TBC1D8B: variants seen among roughly 807,000 people sequenced by gnomAD.
TBC1D8B encodes TBC1 domain family member 8B.
TBC1D8B carries 75 observed loss-of-function variants against 82.9 expected under a neutral mutation model. The ratio of observed to expected loss-of-function variants is 0.90; its 90% CI spans 0.75 to 1.10. TBC1D8B has a LOEUF of 1.10. Ranked by LOEUF, TBC1D8B falls within the 50% of genes least tolerant of loss-of-function variation. The probability of loss-of-function intolerance (pLI) is 0.00; values close to 1 mark genes in which losing one functional copy is unlikely to be tolerated. For synonymous variants in TBC1D8B, 276 were observed against 276.8 expected, an observed-to-expected ratio of 1.00 and a Z score of 0.03; for missense variants, 794 against 796.9, an observed-to-expected ratio of 1.00 and a Z score of 0.04.
chrX:106,813,136 G>A (rs760759544), intron 1 of TBC1D8B, among the ~76,000 whole-genome samples: 1 of 112,295 alleles, frequency 8.9e-6, no homozygotes, highest in East Asian at 2.8e-4. Flanking sequence ...GGGATTAAAG[G>A]CGTGAGTCAC....
At chrX:106,805,555 T>C (rs1392590870) in intron 1 of TBC1D8B, among the ~76,000 whole-genome samples, 2 of 112,289 alleles carry the variant, frequency 1.8e-5, no homozygotes, top group African/African-American at 3.2e-5. Flanking sequence ...TCCACACTTA[T>C]TTAGTGGTCA....
In TBC1D8B at chrX:106,873,927, G is replaced by C; in HGVS notation, c.3325G>C (p.Ala1109Pro). The C allele has an allele frequency of 8.3e-7, 1 of 1,202,507 alleles. No individual in the cohort carries two copies. The highest frequency in any genetic ancestry group is 1.1e-6 in the Non-Finnish European group (1 of 891,919). Reference protein sequence around the residue: ...PIDVKAKLENARISQLRSRTK... With the variant: ...PIDVKAKLENPRISQLRSRTK... ...AGATGTAAAAGCCAAGCTGGAAAAT[G>C]CAAGAATTTCTCAGTTAAGGTCTAG... Residue 1109 changes from alanine (A) to proline (P), a missense_variant, in exon 21 of 21, where the codon GCA (alanine) becomes CCA (proline). Transcript: ENST00000357242.
chrX:106,854,667 C>T (rs1356649527), intron 14 of TBC1D8B, among the ~76,000 whole-genome samples: 1 of 109,923 alleles, frequency 9.1e-6, no homozygotes, highest in Non-Finnish European at 1.9e-5. Context: ...GCACACACCA[C>T]CATGCCTGGC....
intron 4 of TBC1D8B, among the ~76,000 whole-genome samples, chrX:106,822,440 A>G (rs186484279): frequency 1.6e-4 from 18 of 111,494 alleles, no homozygotes; most frequent in Non-Finnish European, 1.3e-4. Flanking sequence ...GTATTAAATG[A>G]TGATCTGGCA....
At chrX:106,853,424 A>G (rs1932632462) in intron 12 of TBC1D8B, 97 bp from the exon 13 acceptor site, 8 of 883,401 alleles carry the variant, frequency 9.1e-6, no homozygotes, top group Non-Finnish European at 8.1e-6. Context: ...CTCAGTTGAA[A>G]GTAACCTCTA....
chrX:106,860,673 C>T (rs757792987), intron 14 of TBC1D8B, among the ~76,000 whole-genome samples: 281 of 110,204 alleles, frequency 2.5e-3, no homozygotes, highest in African/African-American at 8.4e-3. Context: ...TTTAAATAGC[C>T]AACTCATGGA....
chrX:106,807,068 A>G (rs1490368086), intron 1 of TBC1D8B, among the ~76,000 whole-genome samples: 1 of 111,319 alleles, frequency 9.0e-6, no homozygotes, highest in Non-Finnish European at 1.9e-5. Context: ...TATTAGCAAA[A>G]TATCCCTGCA....
chrX:106,866,873 A>G lies in TBC1D8B; in HGVS notation c.2728+11A>G, dbSNP rs1450252305. 5.2e-6 allele frequency: 6 copies of G among 1,143,428 alleles called. No individual in the cohort carries two copies. The highest frequency in any genetic ancestry group is 7.1e-6 in the Non-Finnish European group (6 of 850,594). 94.2% of individuals were successfully genotyped at this position (1,143,428 alleles called of 1,213,427 possible). ...TACATATTCCTCCAGGTAAGAGTTT[A>G]CCAGTCTTTAACGATGTACAGCAGG... On this transcript the variant is annotated intron_variant, in intron 17 of 20. Transcript: ENST00000357242.
At chrX:106,805,760 T>C (rs1215713229) in intron 1 of TBC1D8B, among the ~76,000 whole-genome samples, 1 of 112,197 alleles carries the variant, frequency 8.9e-6, no homozygotes, top group African/African-American at 3.2e-5. Context: ...GCTGCTCAAT[T>C]ACTGTATTCT....
Position 106,850,298 on chromosome X carries a change from C to A in TBC1D8B, c.2111C>A (p.Thr704Lys). The change falls in exon 12 of 21, where the codon ACA (threonine) becomes AAA (lysine). Residue 704 changes from threonine to lysine, a missense_variant. Physicochemically the swap from Thr to Lys is moderately conservative, Grantham distance 78. Coordinates refer to ENST00000357242, the MANE Select transcript of TBC1D8B (RefSeq NM_017752.3). The part of the protein sequence containing the change: ...LTCKDDAEAV[T>K]ALNRFFDNVT... ...TGTAAAGATGATGCTGAAGCTGTGA[C>A]AGCCTTAAACAGGTATTGTAAGAAC... is the stretch of plus-strand genomic sequence containing the variant. 3 of 1,194,691 alleles carry A rather than the reference C, an allele frequency of 2.5e-6. No homozygotes were observed. Among genetic ancestry groups the A allele is most frequent in the Non-Finnish European group, 3.4e-6 (3 of 888,078 alleles).
intron 1 of TBC1D8B, among the ~76,000 whole-genome samples, chrX:106,812,950 C>T (rs1043403883): frequency 9.0e-6 from 1 of 111,006 alleles, no homozygotes; most frequent in Non-Finnish European, 1.9e-5. Context: ...CTCCGCCTCC[C>T]GAGTTCAAGA....
rs1932834525 is a variant in TBC1D8B, at chrX:106,869,528, C to G, written c.2856C>G (p.His952Gln). The G allele has an allele frequency of 8.3e-7, 1 of 1,206,389 alleles. No homozygotes were observed. The highest frequency in any genetic ancestry group is 1.1e-6 in the Non-Finnish European group (1 of 891,646). ...AGAAGGAAGCAGAATCAGCAAAACA[C>G]AGCCCTGAAAAAGGTACTATGATCT... ...ANEKEAESAK[H>Q]SPEKGKGKID... Residue 952 changes from histidine (H) to glutamine (Q), a missense_variant, in exon 19 of 21, where the codon CAC (histidine) becomes CAG (glutamine). Transcript: ENST00000357242.
At chrX:106,848,928 C>A (rs1171623136) in intron 11 of TBC1D8B, among the ~76,000 whole-genome samples, 1 of 107,493 alleles carries the variant, frequency 9.3e-6, no homozygotes, top group Non-Finnish European at 1.9e-5. Context: ...CGCCACCACG[C>A]CTGGCTAATT....
chrX:106,855,552 A>C (rs139344580), intron 14 of TBC1D8B, among the ~76,000 whole-genome samples: 1 of 112,150 alleles, frequency 8.9e-6, no homozygotes, highest in Non-Finnish European at 1.9e-5. Flanking sequence ...ATATCAGTAA[A>C]TATAGATCTA....
At chrX:106,858,627 G>A (rs1932742126) in intron 14 of TBC1D8B, among the ~76,000 whole-genome samples, 1 of 112,244 alleles carries the variant, frequency 8.9e-6, no homozygotes, top group South Asian at 3.7e-4. Flanking sequence ...TTTGTCAGAT[G>A]CATAGTTTGC....
intron 14 of TBC1D8B, among the ~76,000 whole-genome samples, chrX:106,864,278 C>T (rs1463660264): frequency 9.0e-6 from 1 of 110,596 alleles, no homozygotes; most frequent in Non-Finnish European, 1.9e-5. Flanking sequence ...ATTACCCTCT[C>T]CCGTATTGGG....
intron 14 of TBC1D8B, among the ~76,000 whole-genome samples, chrX:106,857,218 T>C (rs1461902640): frequency 1.8e-5 from 2 of 111,376 alleles, no homozygotes; most frequent in Non-Finnish European, 3.8e-5. Flanking sequence ...AGTGGCACAA[T>C]CTCTGCTCAC....
intron 14 of TBC1D8B, among the ~76,000 whole-genome samples, chrX:106,859,081 C>T (rs1000285027): frequency 8.9e-6 from 1 of 111,896 alleles, no homozygotes; most frequent in Non-Finnish European, 1.9e-5. Flanking sequence ...TGTTTTTGTA[C>T]CTGTACCATG....
chrX:106,819,976 T>C (rs942002786), intron 2 of TBC1D8B, among the ~76,000 whole-genome samples: 11 of 110,722 alleles, frequency 9.9e-5, no homozygotes, highest in Admixed American at 2.9e-4. Flanking sequence ...TTAAAGACAG[T>C]TATTACTCTT....
Sources: gnomAD v4.1 joint callset for allele counts (sites outside exome capture counted in the v4.1 genomes callset) on GRCh38, gnomAD v4.1.1 for gene constraint, MANE v1.5 for transcripts, NCBI Gene and HGNC (gene_info 2026-07-23, HGNC 2026-07-21) for gene names.